The following SENP6 variants were observed in gnomAD, a reference collection of about 807,000 sequenced individuals.
The protein encoded by SENP6 is sentrin-specific protease 6.
Under a neutral mutation model 134.5 loss-of-function variants are expected in SENP6, and 41 were observed. That is an observed-to-expected ratio of 0.30 (90% confidence interval 0.24 to 0.40). The LOEUF (loss-of-function observed/expected upper bound fraction) is 0.40. Ranked by LOEUF, SENP6 falls within the 10% of genes least tolerant of loss-of-function variation. The pLI is 1.00. For synonymous variants in SENP6, 395 were observed against 429.8 expected (o/e 0.92, Z 1.00); for missense variants, 1,248 against 1,312.5 (o/e 0.95, Z 0.76).
intron 1 of SENP6, among the ~76,000 whole-genome samples, chr6:75,604,811 G>C (rs150795807): frequency 6.6e-6 from 1 of 151,966 alleles, no homozygotes; most frequent in Non-Finnish European, 1.5e-5. Flanking sequence ...GGTGGCTCAC[G>C]CCTGTAATCC....
chr6:75,694,987 A>G (rs2173402), intron 16 of SENP6, among the ~76,000 whole-genome samples: 47,022 of 151,584 alleles, frequency 0.31, 7,949 homozygotes, highest in African/African-American at 0.45. Context: ...TGATTCTCCC[A>G]CCTCAGCCTC....
chr6:75,643,197 TA>T (rs1263382205), intron 6 of SENP6, among the ~76,000 whole-genome samples: 1 of 152,010 alleles, frequency 6.6e-6, no homozygotes, highest in African/African-American at 2.4e-5. Context: ...AATAGAAATA[TA>T]AAAAGTAATA....
chr6:75,699,667 T>C (rs575644509), intron 18 of SENP6, among the ~76,000 whole-genome samples: 34 of 151,874 alleles, frequency 2.2e-4, no homozygotes, highest in African/African-American at 8.0e-4. Flanking sequence ...TTTGTATTTT[T>C]TTTTAGAGGA....
intron 2 of SENP6, 76 bp downstream of exon 2, chr6:75,621,701 A>G: frequency 1.1e-6 from 1 of 870,690 alleles, no homozygotes; most frequent in Middle Eastern, 2.9e-4. Context: ...TATTGTATGG[A>G]AATATTTTTA....
intron 4 of SENP6, among the ~76,000 whole-genome samples, chr6:75,634,285 A>T (rs1769336479): frequency 6.6e-6 from 1 of 152,144 alleles, no homozygotes; most frequent in African/African-American, 2.4e-5. Context: ...AGGACTCCTG[A>T]TTTTTATTTT....
rs150751620 is a variant in SENP6 at position 75,634,788 on chromosome 6, A to T, written c.435A>T (p.Pro145=). Reference sequence around the variant, plus strand: ...TTCATCATGCTCATGCACAGATACCAGTAGTAAAAACAGCAGCCCAAAGGT... The same window carrying T: ...TTCATCATGCTCATGCACAGATACCTGTAGTAAAAACAGCAGCCCAAAGGT... ...RRFHHAHAQI[P]VVKTAAQSSL... The change falls in exon 5 of 24, where the codon CCA becomes CCT. Residue 145 remains proline, a synonymous_variant. Transcript: ENST00000447266. The T allele has an allele frequency of 3.0e-4, 479 of 1,602,224 alleles. 2 individuals carry two copies. In the African/African-American group the frequency reaches 5.8e-3, roughly 19 times the overall value.
chr6:75,670,499 C>CTT, intron 10 of SENP6, 54 bp from the exon 11 acceptor site: 1 of 1,342,660 alleles, frequency 7.4e-7, no homozygotes, highest in Non-Finnish European at 1.0e-6. Flanking sequence ...TTATACTTAG[C>CTT]TTGCAGCCTT....
chr6:75,646,931 C>CT (rs1770496489), intron 6 of SENP6: 1 of 151,786 alleles, frequency 6.6e-6, no homozygotes, highest in Non-Finnish European at 1.5e-5. Flanking sequence ...AGTGCCTTGA[C>CT]TTTTTGTAAT....
At chr6:75,640,194 T>C (rs1414732934) in intron 5 of SENP6, among the ~76,000 whole-genome samples, 1 of 152,220 alleles carries the variant, frequency 6.6e-6, no homozygotes, top group Non-Finnish European at 1.5e-5. Context: ...AAACCAGGTG[T>C]AGTATACAGA....
chr6:75,614,560 C>G (rs1481466166), intron 1 of SENP6, among the ~76,000 whole-genome samples: 2 of 152,078 alleles, frequency 1.3e-5, no homozygotes, highest in Non-Finnish European at 2.9e-5. Context: ...GCCACTGCAC[C>G]CAGCCACTAT....
At chr6:75,695,945 T>C (rs760920815) in intron 17 of SENP6, 22 bp downstream of exon 17, 4 of 1,566,580 alleles carry the variant, frequency 2.6e-6, no homozygotes, top group South Asian at 1.2e-5. Flanking sequence ...TCTGAAAATA[T>C]TTAACAGATG....
rs528000027 is a variant in SENP6, at chr6:75,676,038, A to G, written c.1605A>G (p.Gly535=). 1 of 1,595,614 alleles carries G rather than the reference A, an allele frequency of 6.3e-7. No homozygotes were observed. The highest frequency in any genetic ancestry group is 2.2e-5 in the East Asian group (1 of 44,654). Reference sequence around the variant, plus strand: ...ATAAAGTTTGGAATGATTGTAAAGGAGTAAATAAATTAACAAGTAAGTTGT... The same window carrying G: ...ATAAAGTTTGGAATGATTGTAAAGGGGTAAATAAATTAACAAGTAAGTTGT... ...KEDKVWNDCK[G]VNKLTNLEEQ... Residue 535 remains glycine (G), a synonymous_variant, in exon 13 of 24, where the codon GGA becomes GGG. Transcript: ENST00000447266.
At chr6:75,633,953 A>G (rs1326897163) in intron 4 of SENP6, among the ~76,000 whole-genome samples, 10 of 152,182 alleles carry the variant, frequency 6.6e-5, no homozygotes, top group Admixed American at 6.5e-4. Flanking sequence ...ATACTTTGTT[A>G]GGGTGGGATA....
rs145636094 is a variant in SENP6, at chr6:75,622,507, C to A, written c.146+882C>A. ...CCGGGAGGTAGAGGTTGCAGTGAAC[C>A]CAGATCATGCCATTGCACTCCAGCC... On this transcript the variant is annotated intron_variant, in intron 2 of 23. Coordinates refer to ENST00000447266, the MANE Select transcript of SENP6 (RefSeq NM_015571.4). 1.5e-4 allele frequency among the ~76,000 whole-genome samples: 23 copies of A among 152,248 alleles called. No individual in the cohort carries two copies. In the East Asian group the frequency reaches 3.9e-3, roughly 26 times the overall value.
At chr6:75,674,374 T>C (rs1313994783) in intron 11 of SENP6, among the ~76,000 whole-genome samples, 1 of 152,018 alleles carries the variant, frequency 6.6e-6, no homozygotes, top group African/African-American at 2.4e-5. Context: ...CAGGCTGGAG[T>C]GCAGTGGCAC....
At chr6:75,609,948 T>A (rs1189880739) in intron 1 of SENP6, among the ~76,000 whole-genome samples, 1 of 152,072 alleles carries the variant, frequency 6.6e-6, no homozygotes, top group African/African-American at 2.4e-5. Context: ...CCACCATGCC[T>A]GACTAATTTT....
At chr6:75,715,013 T>A (rs749019226) in intron 23 of SENP6, among the ~76,000 whole-genome samples, 11 of 152,210 alleles carry the variant, frequency 7.2e-5, no homozygotes, top group Non-Finnish European at 1.3e-4. Flanking sequence ...AATAAAGTAG[T>A]AAATACATTA....
At chr6:75,624,072 C>G (rs1026381640) in intron 3 of SENP6, 112 bp downstream of exon 3, 1 of 737,786 alleles carries the variant, frequency 1.4e-6, no homozygotes, top group Non-Finnish European at 2.2e-6. Flanking sequence ...TTTCTCCACT[C>G]CAGAGGCAAA....
intron 9 of SENP6, among the ~76,000 whole-genome samples, chr6:75,664,424 A>G (rs148880883): frequency 6.6e-6 from 1 of 152,154 alleles, no homozygotes; most frequent in African/African-American, 2.4e-5. Flanking sequence ...ACATCTATAT[A>G]TGTCAGGTAC....
Sources: gnomAD v4.1 joint callset for allele counts (sites outside exome capture counted in the v4.1 genomes callset) on GRCh38, gnomAD v4.1.1 for gene constraint, MANE v1.5 for transcripts, NCBI Gene and HGNC (gene_info 2026-07-23, HGNC 2026-07-21) for gene names.